The following STXBP4 variants were observed in gnomAD, a reference collection of about 807,000 sequenced individuals.
STXBP4 encodes syntaxin-binding protein 4.
A neutral mutation model predicts 76.1 loss-of-function variants in STXBP4; 55 were observed. That is an observed-to-expected ratio of 0.72 (90% confidence interval 0.58 to 0.91). The LOEUF (loss-of-function observed/expected upper bound fraction) is 0.91. Ranked by LOEUF, STXBP4 falls within the 40% of genes least tolerant of loss-of-function variation. The pLI is 0.00. For synonymous variants in STXBP4, 201 were observed against 220.2 expected (o/e 0.91, Z 0.77); for missense variants, 618 against 636.9 (o/e 0.97, Z 0.32).
chr17:55,138,759 A>G (rs1007216002), intron 16 of STXBP4, among the ~76,000 whole-genome samples: 2 of 152,152 alleles, frequency 1.3e-5, no homozygotes, highest in Admixed American at 1.3e-4. Context: ...ACTTATTATG[A>G]AGAAATGAAA....
rs1392844607 is a variant in STXBP4, at chr17:55,164,440, T to TTTC, written c.*4531_*4532insCTT. 1 of 109,268 alleles carries TTTC rather than the reference T, an allele frequency of 9.2e-6. No individual in the cohort carries two copies. The highest frequency in any genetic ancestry group is 8.3e-5 in the Admixed American group (1 of 11,988). The allele number at this position is 109,268 out of a possible 1,614,324, so 6.8% of individuals were successfully genotyped here. On this transcript the variant is annotated 3_prime_UTR_variant, in exon 18 of 18. Transcript: ENST00000376352. ...ATATCACTCTACCCTGTTTATTTCT[T>TTTC]TTTTTTTTTTTTTTTTTTTTTGAGA...
intron 15 of STXBP4, 121 bp downstream of exon 15, chr17:55,078,856 G>C: frequency 1.6e-6 from 1 of 633,614 alleles, no homozygotes; most frequent in Non-Finnish European, 2.8e-6. Context: ...AACTCCCATT[G>C]GATGCCATCA....
chr17:55,181,115 C>G, the STXBP4 span, among the ~76,000 whole-genome samples: 11 of 152,256 alleles, frequency 7.2e-5, no homozygotes, highest in Admixed American at 7.2e-4. Flanking sequence ...AACCTTTCAC[C>G]TTTGTTTCTT....
intron 7 of STXBP4, among the ~76,000 whole-genome samples, chr17:55,005,910 T>C (rs2077998000): frequency 6.6e-6 from 1 of 152,004 alleles, no homozygotes; most frequent in Non-Finnish European, 1.5e-5. Flanking sequence ...GGATTTCTCT[T>C]AAGAGAGGAA....
At chr17:55,184,670 C>T in the STXBP4 span, among the ~76,000 whole-genome samples, 20 of 152,186 alleles carry the variant, frequency 1.3e-4, no homozygotes, top group African/African-American at 3.9e-4. Flanking sequence ...ACATCATAAA[C>T]GTCAGGGGAA....
chr17:55,062,480 C>T (rs1454671552), intron 12 of STXBP4, among the ~76,000 whole-genome samples: 1 of 152,120 alleles, frequency 6.6e-6, no homozygotes, highest in African/African-American at 2.4e-5. Context: ...TTTCTTTATC[C>T]AGTCTATCAT....
At chr17:55,100,051 G>A (rs990497292) in intron 16 of STXBP4, among the ~76,000 whole-genome samples, 5 of 152,266 alleles carry the variant, frequency 3.3e-5, no homozygotes, top group East Asian at 1.9e-4. Flanking sequence ...AAAACCATTA[G>A]AGTGAACCTC....
intron 8 of STXBP4, among the ~76,000 whole-genome samples, chr17:55,012,907 C>T (rs1355006887): frequency 2.0e-5 from 3 of 152,190 alleles, no homozygotes; most frequent in African/African-American, 7.2e-5. Flanking sequence ...ATTCTATCTT[C>T]ATTGTCTGGA....
At chr17:55,105,350 G>A (rs944373794) in intron 16 of STXBP4, among the ~76,000 whole-genome samples, 5 of 151,942 alleles carry the variant, frequency 3.3e-5, no homozygotes, top group East Asian at 1.9e-4. Context: ...TTCAAATAAC[G>A]TATTTATTTC....
intron 16 of STXBP4, among the ~76,000 whole-genome samples, chr17:55,116,154 A>T (rs564653513): frequency 6.6e-6 from 1 of 151,934 alleles, no homozygotes; most frequent in Admixed American, 6.6e-5. Flanking sequence ...TATATTTTTA[A>T]TACTCAAAGG....
chr17:55,069,153 C>CAA (rs991465831), intron 12 of STXBP4, among the ~76,000 whole-genome samples: 25 of 75,804 alleles, frequency 3.3e-4, no homozygotes, highest in African/African-American at 7.2e-4. Context: ...TCAGTGTTGC[C>CAA]AAAAAAAAAA....
At chr17:55,098,435 A>G (rs758251116) in intron 16 of STXBP4, among the ~76,000 whole-genome samples, 7 of 152,194 alleles carry the variant, frequency 4.6e-5, no homozygotes, top group Non-Finnish European at 1.0e-4. Flanking sequence ...TAGAAAATGG[A>G]AATACTAAAA....
At chr17:55,014,580 C>T (rs1280772213) in intron 8 of STXBP4, among the ~76,000 whole-genome samples, 2 of 152,020 alleles carry the variant, frequency 1.3e-5, no homozygotes, top group Admixed American at 1.3e-4. Flanking sequence ...AACCTCCTGG[C>T]CCTTAATGGT....
intron 10 of STXBP4, among the ~76,000 whole-genome samples, chr17:55,038,173 A>T (rs908593165): frequency 6.6e-6 from 1 of 152,004 alleles, no homozygotes; most frequent in Admixed American, 6.6e-5. Flanking sequence ...TTATTTTTTT[A>T]AATATTATTA....
chr17:55,040,402 A>C (rs2078677845), intron 10 of STXBP4, among the ~76,000 whole-genome samples: 1 of 152,184 alleles, frequency 6.6e-6, no homozygotes, highest in African/African-American at 2.4e-5. Flanking sequence ...AGTCACACAC[A>C]ATTTTATAAG....
chr17:55,185,350 T>TCCTCCTCCTC, the STXBP4 span, among the ~76,000 whole-genome samples: 2 of 105,364 alleles, frequency 1.9e-5, no homozygotes, highest in Non-Finnish European at 2.1e-5. Flanking sequence ...TCCTCCTCCT[T>TCCTCCTCCTC]CTCCTCCTCC....
chr17:55,050,908 T>C (rs1331837133), intron 12 of STXBP4, among the ~76,000 whole-genome samples: 2 of 152,140 alleles, frequency 1.3e-5, no homozygotes, highest in African/African-American at 4.8e-5. Context: ...CCTCAGGTGA[T>C]CTGCCTGCCT....
intron 8 of STXBP4, among the ~76,000 whole-genome samples, chr17:55,022,997 T>A (rs1242639441): frequency 6.6e-6 from 1 of 152,244 alleles, no homozygotes; most frequent in Non-Finnish European, 1.5e-5. Context: ...GACTCTTCAT[T>A]GTGGAAAATT....
chr17:55,078,551 T>C lies in STXBP4; in HGVS notation c.1306-135T>C, dbSNP rs79808873. ...GTAAAACTGCATGTTAGTTCAATTG[T>C]TTGCACCCCCGCTACATAATAGAAG... On this transcript the variant is annotated intron_variant, in intron 14 of 17. Transcript: ENST00000376352. 7.3e-4 allele frequency: 441 copies of C among 604,276 alleles called. 2 individuals carry two copies. In the African/African-American group the frequency reaches 7.9e-3, roughly 11 times the overall value. 37.4% of individuals were successfully genotyped at this position (604,276 alleles called of 1,614,324 possible).
Sources: gnomAD v4.1 joint callset for allele counts (sites outside exome capture counted in the v4.1 genomes callset) on GRCh38, gnomAD v4.1.1 for gene constraint, MANE v1.5 for transcripts, NCBI Gene and HGNC (gene_info 2026-07-23, HGNC 2026-07-21) for gene names.